The following ATP13A4 variants were observed in gnomAD, a reference collection of about 807,000 sequenced individuals.
ATP13A4 encodes the protein probable cation-transporting ATPase 13A4.
Under a neutral mutation model 142.5 loss-of-function variants are expected in ATP13A4, and 114 were observed. The observed-to-expected ratio is 0.80, with a 90% confidence interval of 0.69 to 0.93. The LOEUF (loss-of-function observed/expected upper bound fraction) is 0.93. Among genes scored for constraint, ATP13A4 ranks in the 40% least tolerant of loss-of-function variants. The probability of loss-of-function intolerance (pLI) is 0.00; values close to 1 mark genes in which losing one functional copy is unlikely to be tolerated. For missense variants in ATP13A4, 1,392 were observed against 1,454.0 expected, an observed-to-expected ratio of 0.96 and a Z score of 0.69; for synonymous variants, 488 against 514.8, an observed-to-expected ratio of 0.95 and a Z score of 0.70.
chr3:193,541,549 T>C (rs1450091719), intron 1 of ATP13A4, among the ~76,000 whole-genome samples: 1 of 152,216 alleles, frequency 6.6e-6, no homozygotes, highest in Non-Finnish European at 1.5e-5. Context: ...GTTAGTTCAC[T>C]GATTATATAC....
intron 2 of ATP13A4, among the ~76,000 whole-genome samples, chr3:193,581,497 C>T (rs886852611): frequency 6.6e-6 from 1 of 152,116 alleles, no homozygotes; most frequent in Non-Finnish European, 1.5e-5. Context: ...TTCCACCATA[C>T]AAATGCAATG....
At chr3:193,535,485 TTGAA>T (rs1216058247) in intron 1 of ATP13A4, among the ~76,000 whole-genome samples, 2 of 151,996 alleles carry the variant, frequency 1.3e-5, no homozygotes, top group South Asian at 2.1e-4. Flanking sequence ...ATACATTAAA[TTGAA>T]TGAAAACAAA....
At chr3:193,546,083 T>C (rs1723208726) in intron 1 of ATP13A4, among the ~76,000 whole-genome samples, 1 of 151,834 alleles carries the variant, frequency 6.6e-6, no homozygotes, top group Non-Finnish European at 1.5e-5. Context: ...CAGTAAGGTA[T>C]TATTATTGAA....
intron 2 of ATP13A4, among the ~76,000 whole-genome samples, chr3:193,512,803 C>T (rs371322491): frequency 1.3e-5 from 2 of 152,148 alleles, no homozygotes; most frequent in East Asian, 1.9e-4. Context: ...CTCACTCACA[C>T]GTGAGCTAGG....
chr3:193,519,698 G>A (rs1049381063), intron 1 of ATP13A4, among the ~76,000 whole-genome samples: 2 of 134,496 alleles, frequency 1.5e-5, no homozygotes, highest in Non-Finnish European at 3.1e-5. Context: ...AGGCTGGAGT[G>A]CAGTGGCGCA....
intron 1 of ATP13A4, among the ~76,000 whole-genome samples, chr3:193,539,519 G>A (rs1722768789): frequency 6.6e-6 from 1 of 152,276 alleles, no homozygotes; most frequent in African/African-American, 2.4e-5. Flanking sequence ...AATACTTTCT[G>A]GAGGGCTCAA....
chr3:193,534,908 T>C (rs1337444096), intron 1 of ATP13A4, among the ~76,000 whole-genome samples: 1 of 150,028 alleles, frequency 6.7e-6, no homozygotes, highest in East Asian at 1.9e-4. Context: ...CCTAAAGAAA[T>C]CTACAAAAAG....
intron 7 of ATP13A4, 131 bp downstream of exon 7, chr3:193,489,599 G>T: frequency 1.1e-6 from 1 of 908,010 alleles, no homozygotes; most frequent in Non-Finnish European, 1.8e-6. Context: ...ACTGTGCTAG[G>T]TATTTACAAA....
chr3:193,454,175 C>A lies in ATP13A4; in HGVS notation c.1953G>T (p.Thr651=). The stretch of plus-strand genomic sequence containing the variant: ...GTGCTATGACTCGGAAGCCCTGTGT[C>A]GTGTAAATCTGAAGTTCGCTAACAA... ...TSFVSELQIY[T]TQGFRVIALA... Residue 651 remains threonine (T), a synonymous_variant, in exon 17 of 30, where the codon ACG becomes ACT. Coordinates refer to ENST00000342695, the MANE Select transcript of ATP13A4 (RefSeq NM_032279.4). 6.2e-7 allele frequency: 1 copy of A among 1,614,038 alleles called. No homozygotes were observed. Among genetic ancestry groups the A allele is most frequent in the Non-Finnish European group, 8.5e-7 (1 of 1,179,920 alleles).
rs569028942 is a variant in ATP13A4 at position 193,413,872 on chromosome 3, T to C, written c.3014+707A>G. Reference sequence around the variant, plus strand: ...TCACCCTTTGCCTTGTGATCTTTGCTTTGCCCTTTGCCTTGTGATCTTTAT... The same window carrying C: ...TCACCCTTTGCCTTGTGATCTTTGCCTTGCCCTTTGCCTTGTGATCTTTAT... On this transcript the variant is annotated intron_variant, in intron 26 of 29. Transcript: ENST00000342695. Among the ~76,000 whole-genome samples, 356 of 152,326 alleles carry C rather than the reference T, an allele frequency of 2.3e-3. 3 individuals carry two copies. The highest frequency in any genetic ancestry group is 8.2e-3 in the African/African-American group (342 of 41,572).
chr3:193,568,677 A>T (rs1285883734), intron 2 of ATP13A4, among the ~76,000 whole-genome samples: 1 of 152,208 alleles, frequency 6.6e-6, no homozygotes, highest in Non-Finnish European at 1.5e-5. Flanking sequence ...GCTCCTTGGA[A>T]AAATGGCTGA....
At chr3:193,511,146 CA>C (rs1412180577) in intron 2 of ATP13A4, among the ~76,000 whole-genome samples, 1 of 152,040 alleles carries the variant, frequency 6.6e-6, no homozygotes, top group Non-Finnish European at 1.5e-5. Flanking sequence ...CAAGAGCAGG[CA>C]ATTAAAAATT....
Position 193,459,082 on chromosome 3 carries a change from C to T in ATP13A4, c.1673G>A (p.Trp558Ter). ...ATTCTCTGAAGAGCAGAGGCTTACC[C>T]AGGTGGTGGCTTCAAACATTTTGAG... Reference protein sequence around the residue: ...LDLKMFEATTWEMAFSGDDFH... With the variant: ...LDLKMFEATT Residue 558 changes from tryptophan (W) to a stop codon, truncating the protein, a stop_gained and splice_region_variant, in exon 14 of 30, where the codon TGG becomes TAG. Transcript: ENST00000342695. LOFTEE classifies it high-confidence loss of function. 1 of 1,614,216 alleles carries T rather than the reference C, an allele frequency of 6.2e-7. No individual in the cohort carries two copies. Among genetic ancestry groups the T allele is most frequent in the Non-Finnish European group, 8.5e-7 (1 of 1,180,034 alleles).
At chr3:193,530,123 T>G (rs926097975) in intron 1 of ATP13A4, among the ~76,000 whole-genome samples, 1 of 152,214 alleles carries the variant, frequency 6.6e-6, no homozygotes, top group African/African-American at 2.4e-5. Flanking sequence ...CTAAAATGAA[T>G]ATGTCCTATA....
chr3:193,509,508 G>C (rs1016129031), intron 2 of ATP13A4, among the ~76,000 whole-genome samples: 4 of 152,232 alleles, frequency 2.6e-5, no homozygotes, highest in Non-Finnish European at 5.9e-5. Flanking sequence ...GGGTTGTAAA[G>C]TCACTTGGTC....
At chr3:193,489,480 G>C (rs1345548771) in intron 7 of ATP13A4, among the ~76,000 whole-genome samples, 1 of 152,118 alleles carries the variant, frequency 6.6e-6, no homozygotes, top group Non-Finnish European at 1.5e-5. Context: ...TTTGGATGTT[G>C]TTCTGGCTAA....
At chr3:193,463,774 AT>A (rs1330152594) in intron 12 of ATP13A4, among the ~76,000 whole-genome samples, 1 of 152,136 alleles carries the variant, frequency 6.6e-6, no homozygotes, top group Non-Finnish European at 1.5e-5. Flanking sequence ...ATAGAATGTC[AT>A]TTCTTACATT....
intron 1 of ATP13A4, among the ~76,000 whole-genome samples, chr3:193,534,882 C>A (rs965798930): frequency 6.6e-6 from 1 of 151,880 alleles, no homozygotes; most frequent in Non-Finnish European, 1.5e-5. Context: ...GATGAGTCAA[C>A]CCCAAACAGA....
intron 2 of ATP13A4, among the ~76,000 whole-genome samples, chr3:193,560,124 T>A (rs905604933): frequency 9.2e-5 from 14 of 152,340 alleles, no homozygotes; most frequent in African/African-American, 3.4e-4. Context: ...GATGACTGTG[T>A]AACGATTTGT....
Sources: gnomAD v4.1 joint callset for allele counts (sites outside exome capture counted in the v4.1 genomes callset) on GRCh38, gnomAD v4.1.1 for gene constraint, MANE v1.5 for transcripts, NCBI Gene and HGNC (gene_info 2026-07-23, HGNC 2026-07-21) for gene names.